DMXL1: variants seen among roughly 807,000 people sequenced by gnomAD.
DMXL1 encodes Dmx like 1, also known as dmX-like protein 1.
DMXL1 carries 99 observed loss-of-function variants against 319.2 expected under a neutral mutation model. That is an observed-to-expected ratio of 0.31 (90% CI 0.26 to 0.37). The LOEUF is 0.37. DMXL1 is among the 10% of genes least tolerant of loss of function. The pLI, the probability that DMXL1 is intolerant of heterozygous loss-of-function variation, is 1.00. For missense variants in DMXL1, 3,745 were observed against 3,595.6 expected (o/e 1.04, Z -1.06); for synonymous variants, 1,385 against 1,235.2 (o/e 1.12, Z -2.54).
chr5:119,136,758 C>T (rs1390869982), intron 13 of DMXL1, among the ~76,000 whole-genome samples: 5 of 152,238 alleles, frequency 3.3e-5, no homozygotes, highest in Non-Finnish European at 1.5e-5. Flanking sequence ...GGTATTGGGC[C>T]TGTGGGTATG....
intron 7 of DMXL1, among the ~76,000 whole-genome samples, chr5:119,118,428 C>CT (rs1761313835): frequency 6.6e-6 from 1 of 152,098 alleles, no homozygotes; most frequent in Non-Finnish European, 1.5e-5. Context: ...TAATCTCAGT[C>CT]TTTGTTTTTT....
chr5:119,120,655 GA>G (rs1367576574), intron 8 of DMXL1, among the ~76,000 whole-genome samples: 1 of 152,096 alleles, frequency 6.6e-6, no homozygotes, highest in Non-Finnish European at 1.5e-5. Context: ...ATAGTATTGG[GA>G]AAAAAATTTT....
chr5:119,105,614 T>C (rs763008362), intron 4 of DMXL1, among the ~76,000 whole-genome samples: 7 of 151,996 alleles, frequency 4.6e-5, no homozygotes, highest in Non-Finnish European at 7.4e-5. Context: ...AGAAAATATA[T>C]GCCAGGCGTG....
chr5:119,143,146 G>A (rs1767788427), intron 13 of DMXL1, among the ~76,000 whole-genome samples: 1 of 151,988 alleles, frequency 6.6e-6, no homozygotes, highest in Non-Finnish European at 1.5e-5. Context: ...GTACCTGGAT[G>A]ATGAAATAAT....
At chr5:119,143,764 A>G (rs1455158466) in intron 13 of DMXL1, 77 bp from the exon 14 acceptor site, 4 of 932,122 alleles carry the variant, frequency 4.3e-6, no homozygotes, top group Non-Finnish European at 6.4e-6. Context: ...TTTATCTGTT[A>G]TGCTTGAAAT....
chr5:119,128,081 T>C, intron 9 of DMXL1: 2 of 461,540 alleles, frequency 4.3e-6, no homozygotes, highest in Non-Finnish European at 8.5e-6. Flanking sequence ...AACCAACAAT[T>C]ACTATTACCC....
chr5:119,112,650 A>G (rs1759901192), intron 5 of DMXL1, among the ~76,000 whole-genome samples: 1 of 152,176 alleles, frequency 6.6e-6, no homozygotes, highest in South Asian at 2.1e-4. Flanking sequence ...AATTTTGCAT[A>G]AATAATTCTT....
intron 43 of DMXL1, among the ~76,000 whole-genome samples, chr5:119,245,541 CTT>C (rs1189893917): frequency 6.0e-5 from 8 of 133,776 alleles, no homozygotes; most frequent in Admixed American, 7.5e-5. Flanking sequence ...TAAGTCGGTT[CTT>C]TTTTTTTTTT....
chr5:119,109,486 G>A (rs551235862), intron 4 of DMXL1, among the ~76,000 whole-genome samples: 1 of 152,004 alleles, frequency 6.6e-6, no homozygotes, highest in African/African-American at 2.4e-5. Context: ...AAGTCCAAAC[G>A]CTGTGAACTT....
chr5:119,192,388 A>C (rs902906361), intron 29 of DMXL1, among the ~76,000 whole-genome samples: 4 of 152,090 alleles, frequency 2.6e-5, no homozygotes, highest in African/African-American at 9.7e-5. Context: ...AATGTGCTTT[A>C]GTATCTCCCA....
chr5:119,130,356 T>TG (rs1561667496), intron 10 of DMXL1, among the ~76,000 whole-genome samples: 1 of 152,168 alleles, frequency 6.6e-6, no homozygotes, highest in Non-Finnish European at 1.5e-5. Flanking sequence ...TTTGTTTGTT[T>TG]TTTTTTGATG....
intron 5 of DMXL1, among the ~76,000 whole-genome samples, chr5:119,113,231 C>G (rs1760062560): frequency 1.3e-5 from 2 of 152,066 alleles, no homozygotes; most frequent in African/African-American, 4.8e-5. Context: ...CAAAGATGTT[C>G]ATGACATATT....
intron 3 of DMXL1, among the ~76,000 whole-genome samples, chr5:119,104,795 A>G (rs1580722058): frequency 6.6e-6 from 1 of 152,210 alleles, no homozygotes; most frequent in South Asian, 2.1e-4. Context: ...GAATTTTCCC[A>G]CATACTATTA....
intron 34 of DMXL1, among the ~76,000 whole-genome samples, chr5:119,208,274 C>T (rs1037111190): frequency 4.1e-4 from 60 of 147,184 alleles, no homozygotes; most frequent in South Asian, 1.9e-3. Context: ...AGTGCAGTGG[C>T]GCGATCTCAG....
At chr5:119,150,761 C>T (rs1284785105) in intron 18 of DMXL1, among the ~76,000 whole-genome samples, 1 of 151,774 alleles carries the variant, frequency 6.6e-6, no homozygotes, top group Non-Finnish European at 1.5e-5. Flanking sequence ...TGCACTACAG[C>T]CTGGACAATA....
At position 119,150,560 on chromosome 5, in the gene DMXL1, A is replaced by C. The variant is rs535686971; in HGVS notation, c.4594+139A>C. ...ATTCAGCTCTTTGGGAGGCTGAGGC[A>C]GGAGGATCACTTGAACCTAGGAGTT... On this transcript the variant is annotated intron_variant, in intron 18 of 43. Transcript: ENST00000539542. 8.6e-6 allele frequency: 8 copies of C among 933,966 alleles called. No individual in the cohort carries two copies. The African/African-American group carries it at 1.2e-4, about 14-fold the overall frequency. The allele number at this position is 933,966 out of a possible 1,614,324, so 57.9% of individuals were successfully genotyped here.
intron 37 of DMXL1, among the ~76,000 whole-genome samples, chr5:119,222,233 A>G (rs1471066102): frequency 6.6e-6 from 1 of 152,160 alleles, no homozygotes; most frequent in Non-Finnish European, 1.5e-5. Flanking sequence ...ATGAAGCTTG[A>G]GATCCAAAAA....
intron 6 of DMXL1, 43 bp from the exon 7 acceptor site, chr5:119,116,115 T>C: frequency 6.5e-7 from 1 of 1,546,218 alleles, no homozygotes; most frequent in Non-Finnish European, 8.7e-7. Flanking sequence ...TAATCTTTAA[T>C]TCTGATCTCC....
chr5:119,080,838 G>A (rs982940227), intron 1 of DMXL1, among the ~76,000 whole-genome samples: 1 of 151,802 alleles, frequency 6.6e-6, no homozygotes, highest in South Asian at 2.1e-4. Flanking sequence ...TATATCTAAC[G>A]TCTTTCCATT....
Sources: gnomAD v4.1 joint callset for allele counts (sites outside exome capture counted in the v4.1 genomes callset) on GRCh38, gnomAD v4.1.1 for gene constraint, MANE v1.5 for transcripts, NCBI Gene and HGNC (gene_info 2026-07-23, HGNC 2026-07-21) for gene names.